Variants in CELF2 observed in about 807,000 individuals in gnomAD.
The protein encoded by CELF2 is CUGBP Elav-like family member 2.
Under a neutral mutation model 62.6 loss-of-function variants are expected in CELF2, and 8 were observed. The ratio of observed to expected loss-of-function variants is 0.13; its 90% CI spans 0.07 to 0.23. The LOEUF is 0.23. Among genes scored for constraint, CELF2 ranks in the 10% least tolerant of loss-of-function variants. The pLI, the probability that CELF2 is intolerant of heterozygous loss-of-function variation, is 1.00. For missense variants in CELF2, 333 were observed against 671.0 expected (o/e 0.50, Z 5.56); for synonymous variants, 258 against 250.0 (o/e 1.03, Z -0.30).
the CELF2 span, among the ~76,000 whole-genome samples, chr10:10,488,422 G>T: frequency 6.6e-6 from 1 of 152,130 alleles, no homozygotes; most frequent in South Asian, 2.1e-4. Flanking sequence ...TGATAGACTT[G>T]TGTTCATGGA....
At chr10:11,195,800 C>T (rs2134774559) in intron 2 of CELF2, among the ~76,000 whole-genome samples, 1 of 152,274 alleles carries the variant, frequency 6.6e-6, no homozygotes, top group Middle Eastern at 3.4e-3. Context: ...TTTTCTGAGG[C>T]CTTGTTCCAC....
intron 1 of CELF2, among the ~76,000 whole-genome samples, chr10:10,900,811 C>T (rs564336404): frequency 2.0e-5 from 3 of 151,850 alleles, no homozygotes; most frequent in African/African-American, 7.3e-5. Flanking sequence ...GCATGATTGT[C>T]GATGTAGAAA....
At chr10:11,087,324 G>T (rs892430779) in intron 1 of CELF2, among the ~76,000 whole-genome samples, 4 of 152,250 alleles carry the variant, frequency 2.6e-5, no homozygotes, top group Admixed American at 2.0e-4. Context: ...ATAAAGCATT[G>T]GTATTTTAAG....
intron 3 of CELF2, among the ~76,000 whole-genome samples, chr10:11,232,675 T>G (rs2069225997): frequency 6.6e-6 from 1 of 152,206 alleles, no homozygotes; most frequent in African/African-American, 2.4e-5. Context: ...GGTACTGATT[T>G]CAAGGACACA....
chr10:10,601,235 T>G, the CELF2 span, among the ~76,000 whole-genome samples: 2 of 152,130 alleles, frequency 1.3e-5, no homozygotes, highest in East Asian at 3.9e-4. Flanking sequence ...TCCATACTGC[T>G]TCAACCCTGA....
chr10:10,757,250 G>T, the CELF2 span, among the ~76,000 whole-genome samples: 1 of 151,944 alleles, frequency 6.6e-6, no homozygotes, highest in Non-Finnish European at 1.5e-5. Flanking sequence ...TTGTGGCCAG[G>T]ATTCCAAGAC....
At chr10:10,665,067 A>C in the CELF2 span, among the ~76,000 whole-genome samples, 43 of 152,332 alleles carry the variant, frequency 2.8e-4, no homozygotes, top group African/African-American at 8.9e-4. Flanking sequence ...TTTGGTTAAA[A>C]TTCGTGGGCA....
chr10:11,168,243 A>T (rs1441254353), intron 2 of CELF2, among the ~76,000 whole-genome samples: 1 of 152,238 alleles, frequency 6.6e-6, no homozygotes, highest in African/African-American at 2.4e-5. Flanking sequence ...TTGGAAATAC[A>T]GGTCAATTCC....
chr10:10,510,730 A>G, the CELF2 span, among the ~76,000 whole-genome samples: 3 of 152,234 alleles, frequency 2.0e-5, no homozygotes, highest in Admixed American at 1.3e-4. Flanking sequence ...AGTGTCAGGA[A>G]GAAAATAACT....
rs2050836429 is a variant in CELF2 at position 10,972,304 on chromosome 10, C to T, written c.89+52305C>T. Among the ~76,000 whole-genome samples the T allele has an allele frequency of 6.6e-6, 1 of 152,190 alleles. No individual in the cohort carries two copies. Among genetic ancestry groups the T allele is most frequent in the East Asian group, 1.9e-4 (1 of 5,188 alleles). On this transcript the variant is annotated intron_variant, in intron 2 of 13. Coordinates refer to the CELF2 transcript ENST00000636488. The surrounding 1 kb of genome is among the most constrained non-coding windows in gnomAD (Gnocchi z 4.4). ...GGTTAAATGATTTTAGGAAGCTCTACATATCATCATCCCCTGTAAAAATTC... is the reference window on the plus strand; with the variant it reads ...GGTTAAATGATTTTAGGAAGCTCTATATATCATCATCCCCTGTAAAAATTC...
chr10:10,578,476 A>G, the CELF2 span, among the ~76,000 whole-genome samples: 1 of 152,244 alleles, frequency 6.6e-6, no homozygotes, highest in East Asian at 1.9e-4. Flanking sequence ...GTTTTCTTCT[A>G]GGGTTTTTAT....
intron 1 of CELF2, among the ~76,000 whole-genome samples, chr10:11,009,317 TTGTG>T (rs753208265): frequency 1.0e-3 from 137 of 133,824 alleles, no homozygotes; most frequent in African/African-American, 4.0e-3. Flanking sequence ...AAGATGGAAG[TTGTG>T]TGTGTGTGTG....
At chr10:10,526,455 T>C in the CELF2 span, among the ~76,000 whole-genome samples, 1 of 152,322 alleles carries the variant, frequency 6.6e-6, no homozygotes. Flanking sequence ...CCTTTAATTG[T>C]TGTCATTTAA....
the CELF2 span, chr10:10,792,404 C>T: frequency 1.4e-3 from 557 of 398,224 alleles, 2 homozygotes; most frequent in African/African-American, 8.9e-3. Flanking sequence ...GGCAATATTC[C>T]GGGTTAGGAA....
chr10:10,704,214 T>C, the CELF2 span, among the ~76,000 whole-genome samples: 1 of 152,218 alleles, frequency 6.6e-6, no homozygotes, highest in African/African-American at 2.4e-5. Context: ...CACTGACTGA[T>C]GTACAGGGAA....
chr10:11,182,803 G>A (rs537571423), intron 2 of CELF2, among the ~76,000 whole-genome samples: 2 of 152,144 alleles, frequency 1.3e-5, no homozygotes, highest in East Asian at 1.9e-4. Flanking sequence ...CCTTCTTGTC[G>A]CCCAATCTCA....
At chr10:10,642,041 T>C in the CELF2 span, among the ~76,000 whole-genome samples, 2 of 152,110 alleles carry the variant, frequency 1.3e-5, no homozygotes, top group Non-Finnish European at 2.9e-5. Context: ...GAAGACCTGG[T>C]GGAAGATAGT....
Position 10,997,865 on chromosome 10 carries a change from G to T in CELF2, c.89+77866G>T, listed in dbSNP as rs1367331305. Reference sequence around the variant, plus strand: ...GAGTCCATGCTTCATGCTTGATATGGTTTGGCTCTGTATCCCCACCCAAAT... The same window carrying T: ...GAGTCCATGCTTCATGCTTGATATGTTTTGGCTCTGTATCCCCACCCAAAT... On this transcript the variant is annotated intron_variant, in intron 2 of 13. Transcript: ENST00000636488. This position sits in a 1 kb window ranked among gnomAD's most constrained non-coding sequence, Gnocchi z 5.3. Among the ~76,000 whole-genome samples, 2 of 152,080 alleles carry T rather than the reference G, an allele frequency of 1.3e-5. No homozygotes were observed. Among genetic ancestry groups the T allele is most frequent in the African/African-American group, 4.8e-5 (2 of 41,424 alleles).
At position 11,330,751 on chromosome 10, in the gene CELF2, T is replaced by C. The variant is rs1400191936; in HGVS notation, c.*1698T>C. ...GGCAAAAACGTTTCTTTCTTATTTTTTTTCTTTTCCTAAAACAGACTTGAA... is the reference window on the plus strand; with the variant it reads ...GGCAAAAACGTTTCTTTCTTATTTTCTTTCTTTTCCTAAAACAGACTTGAA... On this transcript the variant is annotated 3_prime_UTR_variant, in exon 13 of 13. Coordinates refer to ENST00000633077, the MANE Select transcript of CELF2 (RefSeq NM_001326342.2). The surrounding 1 kb of genome is among the most constrained non-coding windows in gnomAD (Gnocchi z 4.5). 2.0e-5 allele frequency: 3 copies of C among 152,670 alleles called. No homozygotes were observed. The highest frequency in any genetic ancestry group is 2.0e-4 in the Admixed American group (3 of 15,292). The allele number at this position is 152,670 out of a possible 1,614,324, so 9.5% of individuals were successfully genotyped here. A position where few individuals can be genotyped will look rare whatever the true frequency, so the allele number is the denominator to read the frequency against.
Sources: allele counts gnomAD v4.1 joint callset (sites outside exome capture counted in the v4.1 genomes callset), GRCh38; gene constraint gnomAD v4.1.1; non-coding constraint Gnocchi (gnomAD v3.1); transcripts MANE v1.5; gene names NCBI Gene and HGNC (gene_info 2026-07-23, HGNC 2026-07-21).